Variants in SMIM17 observed in about 807,000 individuals in gnomAD.
SMIM17 encodes small integral membrane protein 17.
Under a neutral mutation model 12.2 loss-of-function variants are expected in SMIM17, and 10 were observed. That is an observed-to-expected ratio of 0.82 (90% CI 0.50 to 1.39). The LOEUF (loss-of-function observed/expected upper bound fraction) is 1.39, where lower values mean the gene tolerates loss of function less well. SMIM17 is among the 40% of genes most tolerant of loss of function. The probability of loss-of-function intolerance (pLI) is 0.00; values close to 1 mark genes in which losing one functional copy is unlikely to be tolerated. For missense variants in SMIM17, 136 were observed against 118.2 expected (o/e 1.15, Z -0.70); for synonymous variants, 50 against 44.1 (o/e 1.13, Z -0.53).
chr19:56,646,244 G>T (rs1303548661), intron 2 of SMIM17, among the ~76,000 whole-genome samples: 5 of 152,302 alleles, frequency 3.3e-5, no homozygotes, highest in Middle Eastern at 3.4e-3. Context: ...CCTCATGGGG[G>T]TGCTTGCAGG....
rs1011770312 is a variant in SMIM17, at chr19:56,656,174, G to A, written c.*961G>A. Among the ~76,000 whole-genome samples, 2 of 151,966 alleles carry A rather than the reference G, an allele frequency of 1.3e-5. No individual in the cohort carries two copies. Among genetic ancestry groups the A allele is most frequent in the Admixed American group, 1.3e-4 (2 of 15,270 alleles). On this transcript the variant is annotated 3_prime_UTR_variant, in exon 4 of 4. Coordinates refer to ENST00000598409, the MANE Select transcript of SMIM17 (RefSeq NM_001193628.2). ...TTAGCCAGGATGGTCTCGATCTCCTGACCTCGTGATCCGCCCGCCTTGGCC... is the reference window on the plus strand; with the variant it reads ...TTAGCCAGGATGGTCTCGATCTCCTAACCTCGTGATCCGCCCGCCTTGGCC...
chr19:56,650,312 T>C (rs2045099539), intron 3 of SMIM17, among the ~76,000 whole-genome samples: 1 of 152,172 alleles, frequency 6.6e-6, no homozygotes, highest in Admixed American at 6.5e-5. Flanking sequence ...TAGCTAGGAC[T>C]ACAGGCGCAC....
At chr19:56,652,101 CAAAAAAAAAAAA>C (rs57264842) in intron 3 of SMIM17, among the ~76,000 whole-genome samples, 3 of 66,856 alleles carry the variant, frequency 4.5e-5, no homozygotes, top group South Asian at 6.1e-4. Context: ...GAGACTCTGC[CAAAAAAAAAAAA>C]AAAAAAAAAA....
intron 1 of SMIM17, 107 bp from the exon 2 acceptor site, chr19:56,645,461 G>A: frequency 2.3e-6 from 1 of 435,452 alleles, no homozygotes; most frequent in Non-Finnish European, 4.0e-6. Context: ...AGCCCCAGGA[G>A]GGCAGGAATC....
rs577062963 is a variant in SMIM17, at chr19:56,655,954, G to GTTTT, written c.*753_*756dup. On this transcript the variant is annotated 3_prime_UTR_variant, in exon 4 of 4. Transcript: ENST00000598409. The stretch of plus-strand genomic sequence containing the variant: ...ATTTTGGCGAATTACAGAGGTTTTT[G>GTTTT]TTTTTTTTTTTTTTTGAGACCGAGT... Among the ~76,000 whole-genome samples the GTTTT allele has an allele frequency of 1.5e-5, 2 of 133,146 alleles. No individual in the cohort carries two copies. Among genetic ancestry groups the GTTTT allele is most frequent in the African/African-American group, 2.8e-5 (1 of 35,780 alleles). 87.3% of individuals were successfully genotyped at this position (133,146 alleles called of 152,430 possible). A position where few individuals can be genotyped will look rare whatever the true frequency, so the allele number is the denominator to read the frequency against.
Position 56,657,106 on chromosome 19 carries a change from T to C in SMIM17, c.*1893T>C, listed in dbSNP as rs1952395127. ...GCTAATAAATTTTTATAATCTTTGC[T>C]TTATGTACTCAACAGCTGTGTAATT... On this transcript the variant is annotated 3_prime_UTR_variant, in exon 4 of 4. Transcript: ENST00000598409. Among the ~76,000 whole-genome samples the C allele has an allele frequency of 6.6e-6, 1 of 152,246 alleles. No homozygotes were observed. The highest frequency in any genetic ancestry group is 2.4e-5 in the African/African-American group (1 of 41,472).
chr19:56,649,689 C>A (rs1362989786), intron 3 of SMIM17, among the ~76,000 whole-genome samples: 1 of 151,982 alleles, frequency 6.6e-6, no homozygotes, highest in Non-Finnish European at 1.5e-5. Context: ...CCCTGAGGTA[C>A]AGATGTGCCT....
Position 56,645,653 on chromosome 19 carries a change from C to A in SMIM17, c.-15C>A. The A allele has an allele frequency of 6.8e-7, 1 of 1,465,140 alleles. No individual in the cohort carries two copies. Among genetic ancestry groups the A allele is most frequent in the South Asian group, 1.3e-5 (1 of 74,212 alleles). The allele number at this position is 1,465,140 out of a possible 1,614,324, so 90.8% of individuals were successfully genotyped here. On this transcript the variant is annotated 5_prime_UTR_variant, in exon 2 of 4. Transcript: ENST00000598409. ...AGAGAAGCTTGTCTCAGAAGCTCCACCTCCTCCTGGGGCAATGCAGAGTCT... is the reference window on the plus strand; with the variant it reads ...AGAGAAGCTTGTCTCAGAAGCTCCAACTCCTCCTGGGGCAATGCAGAGTCT...
intron 1 of SMIM17, among the ~76,000 whole-genome samples, chr19:56,644,156 C>T (rs1054654755): frequency 2.6e-5 from 4 of 151,882 alleles, no homozygotes; most frequent in Non-Finnish European, 5.9e-5. Context: ...CTTTCTCATG[C>T]CTTCCCCTCC....
chr19:56,646,661 T>A (rs1232271785), intron 2 of SMIM17, among the ~76,000 whole-genome samples: 3 of 152,104 alleles, frequency 2.0e-5, no homozygotes, highest in African/African-American at 7.2e-5. Context: ...GGGAGGCCAG[T>A]TAGGAGATTC....
intron 3 of SMIM17, 63 bp from the exon 4 acceptor site, chr19:56,655,040 T>C (rs1600623079): frequency 1.7e-6 from 1 of 594,490 alleles, no homozygotes; most frequent in Non-Finnish European, 3.0e-6. Context: ...TCTATTTTCC[T>C]GCAAGTAACA....
intron 1 of SMIM17, among the ~76,000 whole-genome samples, chr19:56,643,649 C>A (rs1403493703): frequency 6.6e-6 from 1 of 152,184 alleles, no homozygotes; most frequent in Non-Finnish European, 1.5e-5. Flanking sequence ...GTGTGTCCGC[C>A]TGGGCCCCTG....
intron 2 of SMIM17, 94 bp from the exon 3 acceptor site, chr19:56,647,464 A>G (rs1450335648): frequency 2.4e-6 from 2 of 839,360 alleles, no homozygotes; most frequent in African/African-American, 3.5e-5. Flanking sequence ...GGCTATTACT[A>G]GAAAAGGGAC....
At position 56,655,863 on chromosome 19, in the gene SMIM17, C is replaced by A. The variant is rs2148046393; in HGVS notation, c.*650C>A. 1 of 152,020 alleles carries A rather than the reference C, an allele frequency of 6.6e-6. No individual in the cohort carries two copies. Among genetic ancestry groups the A allele is most frequent in the Middle Eastern group, 3.4e-3 (1 of 294 alleles). The allele number at this position is 152,020 out of a possible 1,614,324, so 9.4% of individuals were successfully genotyped here. A position where few individuals can be genotyped will look rare whatever the true frequency, so the allele number is the denominator to read the frequency against. On this transcript the variant is annotated 3_prime_UTR_variant, in exon 4 of 4. Coordinates refer to ENST00000598409, the MANE Select transcript of SMIM17 (RefSeq NM_001193628.2). ...CATGGAGAGAACGTTTCAGCTAATT[C>A]TTGGGCAGCTTTCTTAGTTCTTTAC...
At chr19:56,648,131 T>TATCCATCCATCC (rs35121437) in intron 3 of SMIM17, among the ~76,000 whole-genome samples, 1 of 129,186 alleles carries the variant, frequency 7.7e-6, no homozygotes, top group African/African-American at 3.1e-5. Context: ...TTTATCCACT[T>TATCCATCCATCC]ATCCATCCAT....
chr19:56,647,450 A>T, intron 2 of SMIM17, 108 bp from the exon 3 acceptor site: 1 of 652,916 alleles, frequency 1.5e-6, no homozygotes, highest in Non-Finnish European at 2.6e-6. Context: ...AGAGAGAGAG[A>T]GGAGGCTATT....
At chr19:56,643,507 G>A (rs2045039696) in intron 1 of SMIM17, among the ~76,000 whole-genome samples, 1 of 152,164 alleles carries the variant, frequency 6.6e-6, no homozygotes, top group South Asian at 2.1e-4. Context: ...GAGGAGGGGA[G>A]CACAGACCTG....
At chr19:56,647,504 C>T in intron 2 of SMIM17, 54 bp from the exon 3 acceptor site, 1 of 1,344,894 alleles carries the variant, frequency 7.4e-7, no homozygotes, top group Non-Finnish European at 1.0e-6. Context: ...CCCACTCCTG[C>T]CATCTGGCCA....
intron 1 of SMIM17, among the ~76,000 whole-genome samples, chr19:56,644,431 G>A (rs183496397): frequency 7.2e-4 from 109 of 152,276 alleles, no homozygotes; most frequent in African/African-American, 2.6e-3. Flanking sequence ...TTTGACTAAA[G>A]GTGTCTTCCT....
Sources: gnomAD v4.1 joint callset for allele counts (sites outside exome capture counted in the v4.1 genomes callset) on GRCh38, gnomAD v4.1.1 for gene constraint, MANE v1.5 for transcripts, NCBI Gene and HGNC (gene_info 2026-07-23, HGNC 2026-07-21) for gene names.